The following XPR1 variants were observed in gnomAD, a reference collection of about 807,000 sequenced individuals.
The protein encoded by XPR1 is solute carrier family 53 member 1.
A neutral mutation model predicts 87.5 loss-of-function variants in XPR1; 28 were observed. That is an observed-to-expected ratio of 0.32 (90% CI 0.24 to 0.44). The LOEUF is 0.44. Among genes scored for constraint, XPR1 ranks in the 20% least tolerant of loss-of-function variants. The pLI is 1.00. For missense variants in XPR1, 559 were observed against 862.3 expected (o/e 0.65, Z 4.41); for synonymous variants, 300 against 306.1 (o/e 0.98, Z 0.21).
intron 2 of XPR1, among the ~76,000 whole-genome samples, chr1:180,755,105 G>C (rs1647682205): frequency 6.6e-6 from 1 of 152,188 alleles, no homozygotes; most frequent in African/African-American, 2.4e-5. Context: ...GATTGGCTAA[G>C]AGATATTACT....
intron 1 of XPR1, among the ~76,000 whole-genome samples, chr1:180,663,474 T>C (rs776179275): frequency 6.6e-6 from 1 of 152,208 alleles, no homozygotes; most frequent in Non-Finnish European, 1.5e-5. Flanking sequence ...TTCTCATCTT[T>C]TACTTTGTCC....
chr1:180,790,735 G>A (rs1195550984), intron 3 of XPR1, among the ~76,000 whole-genome samples: 1 of 152,002 alleles, frequency 6.6e-6, no homozygotes, highest in Non-Finnish European at 1.5e-5. Context: ...TAGAGACGGG[G>A]TTTCACCGTG....
chr1:180,637,468 T>C (rs1654822581), intron 1 of XPR1, among the ~76,000 whole-genome samples: 1 of 152,214 alleles, frequency 6.6e-6, no homozygotes. Flanking sequence ...TACTAGCTTT[T>C]TGGCAGCCAA....
At chr1:180,726,401 A>G (rs1440020036) in intron 2 of XPR1, among the ~76,000 whole-genome samples, 1 of 152,098 alleles carries the variant, frequency 6.6e-6, no homozygotes, top group Non-Finnish European at 1.5e-5. Flanking sequence ...TTGGGTCCCT[A>G]CCACCTTTAA....
intron 2 of XPR1, among the ~76,000 whole-genome samples, chr1:180,723,161 A>G (rs1334630756): frequency 1.3e-5 from 2 of 152,212 alleles, no homozygotes; most frequent in African/African-American, 4.8e-5. Flanking sequence ...CTAGGGAGTC[A>G]AACCCTGTAG....
intron 1 of XPR1, among the ~76,000 whole-genome samples, chr1:180,645,184 A>T (rs1453325279): frequency 6.6e-6 from 1 of 152,236 alleles, no homozygotes; most frequent in Admixed American, 6.5e-5. Flanking sequence ...GCATGGACAA[A>T]GCCAGTTCAC....
chr1:180,709,981 C>G (rs935364702), intron 2 of XPR1, among the ~76,000 whole-genome samples: 2 of 151,510 alleles, frequency 1.3e-5, no homozygotes, highest in Non-Finnish European at 2.9e-5. Flanking sequence ...TCTCAGCTCA[C>G]TGCAACCTCT....
intron 11 of XPR1, among the ~76,000 whole-genome samples, chr1:180,862,941 A>G (rs1275265314): frequency 6.6e-6 from 1 of 152,140 alleles, no homozygotes; most frequent in East Asian, 1.9e-4. Context: ...ATTTCATTAG[A>G]TAGTATATGA....
chr1:180,784,999 G>A (rs76172709), intron 2 of XPR1, among the ~76,000 whole-genome samples: 3,773 of 119,824 alleles, frequency 0.031, 172 homozygotes, highest in African/African-American at 0.11. Flanking sequence ...AGTTTTTTTC[G>A]TGTGTGTGTG....
intron 1 of XPR1, among the ~76,000 whole-genome samples, chr1:180,679,758 G>C (rs1656500064): frequency 6.6e-6 from 1 of 152,214 alleles, no homozygotes; most frequent in Admixed American, 6.5e-5. Context: ...AACCGATACT[G>C]TCTTTATAGT....
intron 2 of XPR1, among the ~76,000 whole-genome samples, chr1:180,743,436 C>G (rs934751548): frequency 5.3e-5 from 8 of 152,016 alleles, no homozygotes; most frequent in Non-Finnish European, 1.2e-4. Flanking sequence ...TCCTCTTAAG[C>G]TGTGATTGTC....
At position 180,827,153 on chromosome 1, in the gene XPR1, CAAAAAAAAAAAAA is replaced by C. The variant is rs11324246; in HGVS notation, c.1134+1821_1134+1833del. ...TGGACGACAGAGTGAGACTCCTTCTCAAAAAAAAAAAAAAAAAAAAAAAAGGGGGTCTCCTTTG... is the reference window on the plus strand; with the variant it reads ...TGGACGACAGAGTGAGACTCCTTCTCAAAAAAAAAAAGGGGGTCTCCTTTG... On this transcript the variant is annotated intron_variant, in intron 9 of 14. Coordinates refer to ENST00000367590, the MANE Select transcript of XPR1 (RefSeq NM_004736.4). Among the ~76,000 whole-genome samples the C allele has an allele frequency of 3.9e-4, 26 of 66,912 alleles. No individual in the cohort carries two copies. In the Admixed American group the frequency reaches 4.4e-3, roughly 11 times the overall value. The allele number at this position is 66,912 out of a possible 152,430, so 43.9% of individuals were successfully genotyped here. A position where few individuals can be genotyped will look rare whatever the true frequency, so the allele number is the denominator to read the frequency against.
At chr1:180,737,838 G>C (rs1225483814) in intron 2 of XPR1, among the ~76,000 whole-genome samples, 2 of 152,046 alleles carry the variant, frequency 1.3e-5, no homozygotes, top group Non-Finnish European at 2.9e-5. Flanking sequence ...GATATACCAT[G>C]ATTTGTTTAT....
chr1:180,841,174 C>G (rs778132894), intron 11 of XPR1, among the ~76,000 whole-genome samples: 9 of 152,084 alleles, frequency 5.9e-5, no homozygotes, highest in Non-Finnish European at 1.2e-4. Flanking sequence ...GAAAGAACCC[C>G]CAGCACAGGT....
intron 2 of XPR1, among the ~76,000 whole-genome samples, chr1:180,731,202 G>C (rs2102011009): frequency 6.6e-6 from 1 of 152,244 alleles, no homozygotes; most frequent in Non-Finnish European, 1.5e-5. Context: ...ATTTTCTGTA[G>C]GTAGACTTTT....
intron 2 of XPR1, among the ~76,000 whole-genome samples, chr1:180,784,070 G>GTGAA (rs1558006518): frequency 6.6e-6 from 1 of 151,670 alleles, no homozygotes; most frequent in African/African-American, 2.4e-5. Context: ...AAAACAAATG[G>GTGAA]TGAATGAATA....
intron 2 of XPR1, among the ~76,000 whole-genome samples, chr1:180,724,813 A>C (rs184661629): frequency 1.1e-3 from 175 of 152,358 alleles, no homozygotes; most frequent in African/African-American, 4.1e-3. Context: ...ATATTTCCTC[A>C]GTTATCAATT....
intron 1 of XPR1, among the ~76,000 whole-genome samples, chr1:180,675,451 CCTTTT>C (rs1265982749): frequency 6.6e-6 from 1 of 152,112 alleles, no homozygotes; most frequent in African/African-American, 2.4e-5. Flanking sequence ...AAAGGAAACA[CCTTTT>C]CTTATATTAC....
intron 1 of XPR1, among the ~76,000 whole-genome samples, chr1:180,677,743 T>TA (rs1291627235): frequency 2.0e-5 from 3 of 152,200 alleles, no homozygotes; most frequent in Admixed American, 1.3e-4. Flanking sequence ...AAAGGGTTAA[T>TA]ATAATCTTTG....
Sources: gnomAD v4.1 joint callset for allele counts (sites outside exome capture counted in the v4.1 genomes callset) on GRCh38, gnomAD v4.1.1 for gene constraint, MANE v1.5 for transcripts, NCBI Gene and HGNC (gene_info 2026-07-23, HGNC 2026-07-21) for gene names.